LARS2: variants seen among roughly 807,000 people sequenced by gnomAD.
LARS2 encodes leucyl-tRNA synthetase 2, mitochondrial, also known as leucine--tRNA ligase, mitochondrial.
In LARS2, 81 loss-of-function variants were observed where a neutral mutation model predicts 116.6. The ratio of observed to expected loss-of-function variants is 0.69; its 90% CI spans 0.58 to 0.84. The LOEUF (loss-of-function observed/expected upper bound fraction) is 0.84, where lower values mean the gene tolerates loss of function less well. Among genes scored for constraint, LARS2 ranks in the 40% least tolerant of loss-of-function variants. The probability of loss-of-function intolerance (pLI) is 0.00; values close to 1 mark genes in which losing one functional copy is unlikely to be tolerated. For synonymous variants in LARS2, 396 were observed against 407.2 expected (o/e 0.97, Z 0.33); for missense variants, 968 against 1,114.5 (o/e 0.87, Z 1.87).
At chr3:45,390,558 C>T (rs1320267681) in intron 1 of LARS2, among the ~76,000 whole-genome samples, 2 of 151,824 alleles carry the variant, frequency 1.3e-5, no homozygotes, top group African/African-American at 2.4e-5. Flanking sequence ...GTGATCTGCC[C>T]GCCTCAGCCT....
Position 45,474,329 on chromosome 3 carries a change from C to T in LARS2, c.837C>T (p.Cys279=), listed in dbSNP as rs1699578299. Residue 279 remains cysteine (C), a synonymous_variant, in exon 9 of 22, where the codon TGC becomes TGT. Transcript: ENST00000645846. ...ACTGGATTGGGGACTGTGTGGGCTG[C>T]CACCTGGACTTCACATTAAAGGTGA... The part of the protein sequence containing the change: ...QAHWIGDCVG[C]HLDFTLKVHG... 2 of 1,606,120 alleles carry T rather than the reference C, an allele frequency of 1.2e-6. No individual in the cohort carries two copies. Among genetic ancestry groups the T allele is most frequent in the East Asian group, 2.2e-5 (1 of 44,734 alleles).
chr3:45,479,366 G>T (rs146783558), intron 10 of LARS2, among the ~76,000 whole-genome samples: 29 of 152,260 alleles, frequency 1.9e-4, no homozygotes, highest in African/African-American at 6.7e-4. Flanking sequence ...TGCTAGAGTG[G>T]CAGGCTGGCT....
chr3:45,434,088 G>A (rs2125696643), intron 6 of LARS2, among the ~76,000 whole-genome samples: 1 of 152,220 alleles, frequency 6.6e-6, no homozygotes, highest in East Asian at 1.9e-4. Context: ...CTTGTTTGGT[G>A]TTCACTTAGC....
In LARS2 at chr3:45,517,441, G is replaced by A. The variant is rs529985107; in HGVS notation, c.2045-462G>A. 8.7e-4 allele frequency among the ~76,000 whole-genome samples: 133 copies of A among 152,218 alleles called. 1 individual carries two copies. Among genetic ancestry groups the A allele is most frequent in the Non-Finnish European group, 1.2e-3 (83 of 68,044 alleles). ...ACACATACCTGCAAGGACAGGGATTGTGCCAATGCACTTCACACTCTACAG... is the reference window on the plus strand; with the variant it reads ...ACACATACCTGCAAGGACAGGGATTATGCCAATGCACTTCACACTCTACAG... On this transcript the variant is annotated intron_variant, in intron 17 of 21. Coordinates refer to ENST00000645846, the MANE Select transcript of LARS2 (RefSeq NM_015340.4).
intron 15 of LARS2, among the ~76,000 whole-genome samples, chr3:45,500,908 C>T (rs1253121229): frequency 2.0e-5 from 3 of 151,972 alleles, no homozygotes; most frequent in Non-Finnish European, 4.4e-5. Context: ...ATCACCCAGT[C>T]CTTCCATGTC....
At chr3:45,458,474 C>T (rs1394309225) in intron 7 of LARS2, among the ~76,000 whole-genome samples, 1 of 152,094 alleles carries the variant, frequency 6.6e-6, no homozygotes, top group African/African-American at 2.4e-5. Context: ...GGGTGGATCA[C>T]GAGGTCAGGC....
At chr3:45,496,494 AG>A in intron 14 of LARS2, 121 bp downstream of exon 14, 1 of 754,102 alleles carries the variant, frequency 1.3e-6, no homozygotes, top group Non-Finnish European at 2.3e-6. Context: ...TGCAGATTAA[AG>A]GGGAGAAGAG....
Position 45,446,940 on chromosome 3 carries a change from T to G in LARS2, c.566T>G (p.Phe189Cys), listed in dbSNP as rs1184992118. 1 of 1,611,222 alleles carries G rather than the reference T, an allele frequency of 6.2e-7. No individual in the cohort carries two copies. The highest frequency in any genetic ancestry group is 8.5e-7 in the Non-Finnish European group (1 of 1,178,166). Reference protein sequence around the residue: ...PDYYKWTQYLFIKLYEAGLAY... With the variant: ...PDYYKWTQYLCIKLYEAGLAY... ...TACTACAAGTGGACTCAGTATCTCT[T>G]TATTAAACTGTATGAGGCTGGGCTG... Residue 189 changes from phenylalanine (F) to cysteine (C), a missense_variant, in exon 7 of 22, where the codon TTT becomes TGT. By Grantham distance (205) the Phe-to-Cys change is radical. Transcript: ENST00000645846.
chr3:45,433,231 G>A (rs1343386844), intron 6 of LARS2, among the ~76,000 whole-genome samples: 1 of 152,026 alleles, frequency 6.6e-6, no homozygotes, highest in Non-Finnish European at 1.5e-5. Context: ...TAATTGGCAT[G>A]TGTAGACCAT....
intron 4 of LARS2, among the ~76,000 whole-genome samples, chr3:45,401,630 A>T (rs971033038): frequency 5.9e-5 from 9 of 152,122 alleles, no homozygotes; most frequent in Non-Finnish European, 8.8e-5. Flanking sequence ...TTTTAAAAAA[A>T]TTTTTTTGAG....
At chr3:45,517,314 G>A (rs1700383043) in intron 17 of LARS2, among the ~76,000 whole-genome samples, 1 of 152,202 alleles carries the variant, frequency 6.6e-6, no homozygotes, top group Non-Finnish European at 1.5e-5. Context: ...ACCCTAATTT[G>A]GCTACTGGTA....
chr3:45,389,495 C>T (rs937810110), intron 1 of LARS2, among the ~76,000 whole-genome samples: 14 of 152,212 alleles, frequency 9.2e-5, no homozygotes, highest in African/African-American at 3.1e-4. Context: ...CTTGGGACCA[C>T]GGCCTAGAGG....
In LARS2 at chr3:45,497,432, A is replaced by T. The variant is rs138662672; in HGVS notation, c.1622+1059A>T. Among the ~76,000 whole-genome samples, 1,022 of 152,298 alleles carry T rather than the reference A, an allele frequency of 6.7e-3. 12 individuals carry two copies. The highest frequency in any genetic ancestry group is 0.023 in the African/African-American group (952 of 41,542). On this transcript the variant is annotated intron_variant, in intron 14 of 21. Transcript: ENST00000645846. ...ATTGTGCTTAAAAGGGCCTTGCCTA[A>T]TTGCTCTTGTCCATGGCAGAAACAT...
intron 15 of LARS2, among the ~76,000 whole-genome samples, chr3:45,504,291 A>C (rs1040339730): frequency 1.3e-5 from 2 of 152,076 alleles, no homozygotes; most frequent in African/African-American, 4.8e-5. Flanking sequence ...TTTGATAGAT[A>C]GAAAAATATT....
rs1032924156 is a variant in LARS2, at chr3:45,488,819, G to A, written c.1239+7G>A. 3 of 1,537,858 alleles carry A rather than the reference G, an allele frequency of 2.0e-6. No homozygotes were observed. The highest frequency in any genetic ancestry group is 2.7e-6 in the Non-Finnish European group (3 of 1,110,436). On this transcript the variant is annotated splice_region_variant and intron_variant, in intron 12 of 21. Coordinates refer to ENST00000645846, the MANE Select transcript of LARS2 (RefSeq NM_015340.4). Reference sequence around the variant, plus strand: ...ACTGAGCAGCTCTGCTGAGGTTGGTGACTAAGAACTTACTTCCAGAATGAT... The same window carrying A: ...ACTGAGCAGCTCTGCTGAGGTTGGTAACTAAGAACTTACTTCCAGAATGAT...
At chr3:45,521,978 C>T (rs760405225) in intron 19 of LARS2, among the ~76,000 whole-genome samples, 10 of 152,012 alleles carry the variant, frequency 6.6e-5, no homozygotes, top group Non-Finnish European at 1.3e-4. Context: ...TGGTGGCATG[C>T]ACCTGTAGTT....
intron 6 of LARS2, among the ~76,000 whole-genome samples, chr3:45,425,955 T>C (rs1055095217): frequency 9.9e-5 from 15 of 151,428 alleles, no homozygotes; most frequent in African/African-American, 3.2e-4. Context: ...TTTGATTGGC[T>C]GCACTTCTCT....
intron 6 of LARS2, among the ~76,000 whole-genome samples, chr3:45,436,883 A>G (rs1698818450): frequency 6.6e-6 from 1 of 152,026 alleles, no homozygotes; most frequent in African/African-American, 2.4e-5. Flanking sequence ...AGCAATTTCC[A>G]AGAAATTAAG....
chr3:45,417,768 G>A (rs1455809000), intron 5 of LARS2, among the ~76,000 whole-genome samples, 195 bp downstream of exon 5: 1 of 152,004 alleles, frequency 6.6e-6, no homozygotes, highest in African/African-American at 2.4e-5. Context: ...AGAGGGTTTT[G>A]GATATTTGTT....
Sources: gnomAD v4.1 joint callset for allele counts (sites outside exome capture counted in the v4.1 genomes callset) on GRCh38, gnomAD v4.1.1 for gene constraint, MANE v1.5 for transcripts, NCBI Gene and HGNC (gene_info 2026-07-23, HGNC 2026-07-21) for gene names.